HERC4: variants seen among roughly 807,000 people sequenced by gnomAD.
HERC4 encodes the protein HECT and RLD domain containing E3 ubiquitin protein ligase 4, also known as probable E3 ubiquitin-protein ligase HERC4.
Under a neutral mutation model 124.3 loss-of-function variants are expected in HERC4, and 28 were observed. The observed-to-expected ratio is 0.23, with a 90% confidence interval of 0.17 to 0.31. The LOEUF (loss-of-function observed/expected upper bound fraction) is 0.31. Among genes scored for constraint, HERC4 ranks in the 10% least tolerant of loss-of-function variants. HERC4 has a pLI of 1.00. For missense variants in HERC4, 713 were observed against 1,229.3 expected (o/e 0.58, Z 6.28); for synonymous variants, 407 against 421.5 (o/e 0.97, Z 0.42).
In HERC4 at chr10:68,037,091, CTT is replaced by C. The variant is rs35105661; in HGVS notation, c.463+1000_463+1001del. ...ATGGAGCAAATGGAACCTATTTCTTCTTTTTTTTTTTTTTTTTTTTTGAGACA... is the reference window on the plus strand; with the variant it reads ...ATGGAGCAAATGGAACCTATTTCTTCTTTTTTTTTTTTTTTTTTTGAGACA... On this transcript the variant is annotated intron_variant, in intron 5 of 24. Coordinates refer to ENST00000373700, the MANE Select transcript of HERC4 (RefSeq NM_015601.4). Among the ~76,000 whole-genome samples the C allele has an allele frequency of 4.9e-3, 526 of 106,924 alleles. 1 individual carries two copies. Among genetic ancestry groups the C allele is most frequent in the African/African-American group, 0.016 (431 of 26,206 alleles). 70.1% of individuals were successfully genotyped at this position (106,924 alleles called of 152,430 possible).
Position 67,980,422 on chromosome 10 carries a change from C to T in HERC4, c.1806+8241G>A, listed in dbSNP as rs906187782. Among the ~76,000 whole-genome samples, 5 of 152,118 alleles carry T rather than the reference C, an allele frequency of 3.3e-5. No homozygotes were observed. In the East Asian group the frequency reaches 5.8e-4, roughly 18 times the overall value. On this transcript the variant is annotated intron_variant, in intron 15 of 24. Coordinates refer to ENST00000373700, the MANE Select transcript of HERC4 (RefSeq NM_015601.4). The stretch of plus-strand genomic sequence containing the variant: ...TGCTGGGATTACAGCCATGAGCCAC[C>T]GCACCCCACCCTGAAAGACAAATAT...
chr10:68,016,431 C>A (rs1589331108), intron 8 of HERC4, among the ~76,000 whole-genome samples: 1 of 152,138 alleles, frequency 6.6e-6, no homozygotes, highest in East Asian at 1.9e-4. Flanking sequence ...TGGCTCACTG[C>A]AACCTCCGCC....
At chr10:67,927,388 A>G (rs1463833954) in intron 23 of HERC4, among the ~76,000 whole-genome samples, 1 of 7,110 alleles carries the variant, frequency 1.4e-4, no homozygotes, top group Non-Finnish European at 2.6e-4. Context: ...CCATATATAT[A>G]TATATATATA....
At position 67,935,034 on chromosome 10, in the gene HERC4, G is replaced by A. The variant is rs144262110; in HGVS notation, c.2654+1119C>T. The stretch of plus-strand genomic sequence containing the variant: ...GCATCATTCTGAGGATACTGATTTC[G>A]GTTTCCTCTGAAGTTTTGTCCTTCA... On this transcript the variant is annotated intron_variant, in intron 22 of 24. Transcript: ENST00000373700. Among the ~76,000 whole-genome samples the A allele has an allele frequency of 4.9e-4, 73 of 150,470 alleles. 1 individual carries two copies. The East Asian group carries it at 0.012, about 25-fold the overall frequency.
chr10:67,963,705 AC>A (rs1297858502), intron 16 of HERC4, among the ~76,000 whole-genome samples: 8 of 152,214 alleles, frequency 5.3e-5, no homozygotes, highest in Non-Finnish European at 1.2e-4. Flanking sequence ...TTTCAAAAAC[AC>A]TGCTAAAAGA....
intron 15 of HERC4, among the ~76,000 whole-genome samples, chr10:67,984,010 G>GTAC (rs2036106642): frequency 6.6e-6 from 1 of 151,720 alleles, no homozygotes; most frequent in Non-Finnish European, 1.5e-5. Flanking sequence ...ACACAATGAA[G>GTAC]TACTATTCTG....
intron 9 of HERC4, among the ~76,000 whole-genome samples, chr10:67,997,592 A>G (rs1405370393): frequency 6.6e-6 from 1 of 152,144 alleles, no homozygotes; most frequent in Non-Finnish European, 1.5e-5. Context: ...ATCTGTTTGA[A>G]GCTTTAACCC....
At chr10:67,925,825 C>T (rs2030857425) in intron 23 of HERC4, among the ~76,000 whole-genome samples, 1 of 152,124 alleles carries the variant, frequency 6.6e-6, no homozygotes, top group African/African-American at 2.4e-5. Context: ...GAGAAGTACT[C>T]ATGGTGCTAT....
At chr10:68,065,052 A>G (rs1203791802) in intron 3 of HERC4, among the ~76,000 whole-genome samples, 2 of 152,140 alleles carry the variant, frequency 1.3e-5, no homozygotes. Flanking sequence ...TTATATTCCT[A>G]AATATTCCCA....
chr10:68,069,045 C>T (rs867653983), intron 3 of HERC4: 1 of 984,684 alleles, frequency 1.0e-6, no homozygotes, highest in African/African-American at 1.7e-5. Flanking sequence ...ATTATGGTCA[C>T]AGAACAGTTT....
rs557208213 is a variant in HERC4 at position 68,074,644 on chromosome 10, A to C, written c.-109+500T>G. The C allele has an allele frequency of 2.6e-5, 4 of 152,370 alleles. No individual in the cohort carries two copies. The East Asian group carries it at 7.8e-4, about 30-fold the overall frequency. 9.4% of individuals were successfully genotyped at this position (152,370 alleles called of 1,614,324 possible). ...GGACTGGGAAAGAGAAATCATCTGC[A>C]CACACCCAACCTCGCAGCCAAGCAG... On this transcript the variant is annotated intron_variant, in intron 1 of 24. Coordinates refer to ENST00000373700, the MANE Select transcript of HERC4 (RefSeq NM_015601.4).
chr10:67,947,022 T>A (rs1236500246), intron 19 of HERC4, among the ~76,000 whole-genome samples: 1 of 152,128 alleles, frequency 6.6e-6, no homozygotes, highest in Non-Finnish European at 1.5e-5. Context: ...AATACAATAA[T>A]AGCTGGAGAC....
chr10:68,040,717 C>A (rs549304616), intron 4 of HERC4, among the ~76,000 whole-genome samples: 58 of 151,720 alleles, frequency 3.8e-4, no homozygotes, highest in African/African-American at 9.9e-4. Context: ...GGTGAAACCC[C>A]GTCTCTACTA....
chr10:68,021,406 G>A (rs1290022525), intron 8 of HERC4, among the ~76,000 whole-genome samples: 6 of 152,202 alleles, frequency 3.9e-5, no homozygotes, highest in African/African-American at 7.2e-5. Flanking sequence ...CTGAATTGAT[G>A]CAGAAAAAGC....
intron 19 of HERC4, among the ~76,000 whole-genome samples, chr10:67,949,764 C>T (rs966411972): frequency 3.9e-5 from 6 of 152,126 alleles, no homozygotes; most frequent in Middle Eastern, 3.2e-3. Flanking sequence ...CGGTGGCTCA[C>T]GCCAGCACTT....
chr10:68,050,945 T>C (rs1589424411), intron 3 of HERC4, among the ~76,000 whole-genome samples: 1 of 152,110 alleles, frequency 6.6e-6, no homozygotes, highest in Non-Finnish European at 1.5e-5. Context: ...AAAAAACTCA[T>C]GCCAAATCTA....
intron 16 of HERC4, among the ~76,000 whole-genome samples, chr10:67,958,749 A>G (rs10997889): frequency 0.014 from 2,156 of 152,302 alleles, 35 homozygotes; most frequent in African/African-American, 0.048. Flanking sequence ...CTAATATAAA[A>G]TGTTTTCAGC....
intron 17 of HERC4, 36 bp downstream of exon 17, chr10:67,956,842 A>G (rs777467860): frequency 7.6e-7 from 1 of 1,324,246 alleles, no homozygotes; most frequent in East Asian, 2.3e-5. Flanking sequence ...TCAAAGAAAC[A>G]ATTAAAAAAA....
intron 9 of HERC4, among the ~76,000 whole-genome samples, chr10:67,996,783 G>C (rs1277330741): frequency 6.6e-6 from 1 of 151,596 alleles, no homozygotes; most frequent in Non-Finnish European, 1.5e-5. Context: ...AGAAGATTGA[G>C]ACATACAGTG....
Sources: allele counts gnomAD v4.1 joint callset (sites outside exome capture counted in the v4.1 genomes callset), GRCh38; gene constraint gnomAD v4.1.1; transcripts MANE v1.5; gene names NCBI Gene and HGNC (gene_info 2026-07-23, HGNC 2026-07-21).